Variants in LARS2 observed in about 807,000 individuals in gnomAD.
LARS2 encodes the protein leucine--tRNA ligase, mitochondrial.
A neutral mutation model predicts 116.6 loss-of-function variants in LARS2; 81 were observed. That is an observed-to-expected ratio of 0.69 (90% CI 0.58 to 0.84). The LOEUF (loss-of-function observed/expected upper bound fraction) is 0.84. Among genes scored for constraint, LARS2 ranks in the 40% least tolerant of loss-of-function variants. The probability of loss-of-function intolerance (pLI) is 0.00; values close to 1 mark genes in which losing one functional copy is unlikely to be tolerated. For synonymous variants in LARS2, 396 were observed against 407.2 expected, an observed-to-expected ratio of 0.97 and a Z score of 0.33; for missense variants, 968 against 1,114.5, an observed-to-expected ratio of 0.87 and a Z score of 1.87.
intron 8 of LARS2, among the ~76,000 whole-genome samples, chr3:45,464,819 G>T (rs1397468174): frequency 1.3e-5 from 2 of 152,158 alleles, no homozygotes; most frequent in Non-Finnish European, 2.9e-5. Flanking sequence ...TTCTCTGCAG[G>T]GCTCTGAGGA....
chr3:45,419,737 A>C lies in LARS2; in HGVS notation c.516+8A>C, dbSNP rs1698486400. On this transcript the variant is annotated splice_region_variant and intron_variant, in intron 6 of 21. Coordinates refer to ENST00000645846, the MANE Select transcript of LARS2 (RefSeq NM_015340.4). ...TGTTTCAGCTGGGATAGGGTAAGTC[A>C]ACTCTTTTTCCTGAAAGGTCGTCAT... The C allele has an allele frequency of 1.2e-6, 2 of 1,610,702 alleles. No homozygotes were observed. Among genetic ancestry groups the C allele is most frequent in the Admixed American group, 3.3e-5 (2 of 59,970 alleles).
At chr3:45,461,592 T>C (rs116825644) in intron 8 of LARS2, among the ~76,000 whole-genome samples, 1,990 of 152,248 alleles carry the variant, frequency 0.013, 29 homozygotes, top group African/African-American at 0.046. Flanking sequence ...TGGTCAGATT[T>C]ATGTTTTTAT....
intron 14 of LARS2, among the ~76,000 whole-genome samples, chr3:45,496,817 C>T (rs1449999585): frequency 1.3e-5 from 2 of 152,218 alleles, no homozygotes; most frequent in African/African-American, 4.8e-5. Flanking sequence ...CAACTGTGCA[C>T]CTCGGAACAG....
chr3:45,424,674 T>G (rs1698565067), intron 6 of LARS2, among the ~76,000 whole-genome samples: 1 of 152,248 alleles, frequency 6.6e-6, no homozygotes, highest in Non-Finnish European at 1.5e-5. Flanking sequence ...GCTTGTTTTT[T>G]TATTCTTTTC....
chr3:45,438,926 C>G (rs1357481053), intron 6 of LARS2, among the ~76,000 whole-genome samples: 1 of 152,100 alleles, frequency 6.6e-6, no homozygotes, highest in African/African-American at 2.4e-5. Flanking sequence ...TGTGTCCTAT[C>G]ATTTGTAAAT....
At chr3:45,508,147 T>C (rs1700226452) in intron 15 of LARS2, among the ~76,000 whole-genome samples, 1 of 152,052 alleles carries the variant, frequency 6.6e-6, no homozygotes, top group Non-Finnish European at 1.5e-5. Flanking sequence ...TTCCCCAAAC[T>C]GAATTTCTCC....
At chr3:45,465,022 A>C (rs1164146591) in intron 8 of LARS2, among the ~76,000 whole-genome samples, 1 of 151,962 alleles carries the variant, frequency 6.6e-6, no homozygotes, top group Non-Finnish European at 1.5e-5. Context: ...GTGGGGTAGG[A>C]GGCCAGAGCC....
chr3:45,497,583 G>T (rs1176655451), intron 14 of LARS2, among the ~76,000 whole-genome samples: 1 of 152,164 alleles, frequency 6.6e-6, no homozygotes, highest in Non-Finnish European at 1.5e-5. Flanking sequence ...GCAGTGTTGT[G>T]ATTCTGTAAT....
intron 6 of LARS2, among the ~76,000 whole-genome samples, chr3:45,445,009 G>T (rs1698995773): frequency 6.6e-6 from 1 of 151,998 alleles, no homozygotes; most frequent in South Asian, 2.1e-4. Context: ...AAAATAAAAA[G>T]ATATATCCAC....
rs542431717 is a variant in LARS2 at position 45,477,211 on chromosome 3, G to C, written c.1018+584G>C. Reference sequence around the variant, plus strand: ...GTGAAGATTTGAAGATTCTGTGGTTGCAAGCAACAGATTCCATCTCTGACT... The same window carrying C: ...GTGAAGATTTGAAGATTCTGTGGTTCCAAGCAACAGATTCCATCTCTGACT... On this transcript the variant is annotated intron_variant, in intron 10 of 21. Transcript: ENST00000645846. Among the ~76,000 whole-genome samples the C allele has an allele frequency of 5.3e-5, 8 of 152,320 alleles. No individual in the cohort carries two copies. The East Asian group carries it at 1.5e-3, about 29-fold the overall frequency.
chr3:45,540,531 T>G (rs1321944101), intron 20 of LARS2, among the ~76,000 whole-genome samples: 3 of 151,924 alleles, frequency 2.0e-5, no homozygotes, highest in Admixed American at 2.0e-4. Flanking sequence ...AAGGGAGAGG[T>G]GTCAAAGGGC....
intron 4 of LARS2, among the ~76,000 whole-genome samples, chr3:45,404,437 C>G (rs1362467559): frequency 2.0e-5 from 3 of 152,142 alleles, no homozygotes; most frequent in Non-Finnish European, 4.4e-5. Flanking sequence ...TGTTGAGCTT[C>G]CTTGTCATTT....
intron 2 of LARS2, among the ~76,000 whole-genome samples, chr3:45,393,048 T>G (rs1360831377): frequency 1.3e-5 from 2 of 152,200 alleles, no homozygotes; most frequent in African/African-American, 2.4e-5. Flanking sequence ...CAATAAAACA[T>G]GAAACTTCTT....
At chr3:45,504,160 ATTTTT>A (rs749761124) in intron 15 of LARS2, among the ~76,000 whole-genome samples, 8 of 151,068 alleles carry the variant, frequency 5.3e-5, no homozygotes, top group Non-Finnish European at 1.0e-4. Flanking sequence ...TCCAATTACT[ATTTTT>A]TTTTAAGTCC....
At chr3:45,393,734 A>G (rs1202206254) in intron 2 of LARS2, among the ~76,000 whole-genome samples, 1 of 152,102 alleles carries the variant, frequency 6.6e-6, no homozygotes, top group Non-Finnish European at 1.5e-5. Context: ...TAAGGCAGGT[A>G]GATCGCTTGA....
At chr3:45,523,389 T>A (rs772810997) in intron 19 of LARS2, among the ~76,000 whole-genome samples, 4 of 152,188 alleles carry the variant, frequency 2.6e-5, no homozygotes, top group African/African-American at 9.7e-5. Flanking sequence ...AGAGTTTGGC[T>A]ACAGTGTGCC....
At chr3:45,414,139 G>A (rs1053098024) in intron 4 of LARS2, among the ~76,000 whole-genome samples, 2 of 152,182 alleles carry the variant, frequency 1.3e-5, no homozygotes, top group African/African-American at 4.8e-5. Context: ...GCCCAAGAAT[G>A]TTCATCCTGG....
chr3:45,506,728 C>T (rs983621123), intron 15 of LARS2, among the ~76,000 whole-genome samples: 3 of 152,052 alleles, frequency 2.0e-5, no homozygotes, highest in Non-Finnish European at 4.4e-5. Flanking sequence ...GTCTCAGTGG[C>T]CTCATATGTT....
chr3:45,419,741 CTT>C lies in LARS2; in HGVS notation c.516+16_516+17del. On this transcript the variant is annotated intron_variant, in intron 6 of 21. Coordinates refer to ENST00000645846, the MANE Select transcript of LARS2 (RefSeq NM_015340.4). ...TCAGCTGGGATAGGGTAAGTCAACT[CTT>C]TTTCCTGAAAGGTCGTCATTTTAAG... 1 of 1,608,934 alleles carries C rather than the reference CTT, an allele frequency of 6.2e-7. No individual in the cohort carries two copies. The highest frequency in any genetic ancestry group is 1.1e-5 in the South Asian group (1 of 90,964).
Sources: gnomAD v4.1 joint callset for allele counts (sites outside exome capture counted in the v4.1 genomes callset) on GRCh38, gnomAD v4.1.1 for gene constraint, MANE v1.5 for transcripts, NCBI Gene and HGNC (gene_info 2026-07-23, HGNC 2026-07-21) for gene names.